The following EYS variants were observed in gnomAD, a reference collection of about 807,000 sequenced individuals.
EYS encodes protein eyes shut homolog.
A neutral mutation model predicts 282.1 loss-of-function variants in EYS; 250 were observed. The ratio of observed to expected loss-of-function variants is 0.89; its 90% CI spans 0.80 to 0.98. The LOEUF (loss-of-function observed/expected upper bound fraction) is 0.98, where lower values mean the gene tolerates loss of function less well. EYS is among the 50% of genes least tolerant of loss of function. EYS has a pLI of 0.00. For synonymous variants in EYS, 1,355 were observed against 1,282.9 expected (o/e 1.06, Z -1.20); for missense variants, 4,016 against 3,709.0 (o/e 1.08, Z -2.15).
chr6:63,930,108 A>G (rs970116924), intron 35 of EYS, among the ~76,000 whole-genome samples: 2 of 152,294 alleles, frequency 1.3e-5, no homozygotes, highest in South Asian at 4.1e-4. Context: ...CTTTACTTCA[A>G]AAGAGTGGCT....
chr6:63,883,901 C>T (rs1171873251), intron 35 of EYS, among the ~76,000 whole-genome samples: 6 of 152,202 alleles, frequency 3.9e-5, no homozygotes, highest in Admixed American at 3.9e-4. Flanking sequence ...AGCCTTTCCT[C>T]TAATCCAGTG....
At chr6:64,826,224 C>A (rs1765051324) in intron 19 of EYS, among the ~76,000 whole-genome samples, 1 of 151,818 alleles carries the variant, frequency 6.6e-6, no homozygotes, top group Non-Finnish European at 1.5e-5. Flanking sequence ...ATGATTTTCA[C>A]AAAATCTAAT....
At chr6:64,087,934 G>A (rs11965478) in intron 31 of EYS, among the ~76,000 whole-genome samples, 15,800 of 152,012 alleles carry the variant, frequency 0.1, 1,499 homozygotes, top group African/African-American at 0.26. Flanking sequence ...AATGACTTCC[G>A]TGTTGCTTTG....
intron 33 of EYS, among the ~76,000 whole-genome samples, chr6:64,001,557 G>T (rs1191025293): frequency 6.6e-6 from 1 of 151,944 alleles, no homozygotes; most frequent in Non-Finnish European, 1.5e-5. Flanking sequence ...CAATTTATTT[G>T]TAGATTTTTA....
chr6:65,219,791 A>G (rs1311711283), intron 12 of EYS, among the ~76,000 whole-genome samples: 1 of 152,152 alleles, frequency 6.6e-6, no homozygotes, highest in Admixed American at 6.6e-5. Flanking sequence ...TGGGAGGCAA[A>G]AGGTACATCT....
chr6:64,020,827 A>T (rs1769153011), intron 33 of EYS, among the ~76,000 whole-genome samples: 1 of 152,176 alleles, frequency 6.6e-6, no homozygotes, highest in South Asian at 2.1e-4. Context: ...TGGGGAGAAT[A>T]TTATAAATGT....
At chr6:65,291,302 C>T (rs1365178883) in intron 12 of EYS, among the ~76,000 whole-genome samples, 1 of 151,402 alleles carries the variant, frequency 6.6e-6, no homozygotes, top group Non-Finnish European at 1.5e-5. Flanking sequence ...TAATAATTGG[C>T]ATAGTGAATG....
intron 24 of EYS, among the ~76,000 whole-genome samples, chr6:64,598,478 C>A (rs1766659160): frequency 6.6e-6 from 1 of 152,092 alleles, no homozygotes; most frequent in African/African-American, 2.4e-5. Flanking sequence ...AACAAACAAA[C>A]AAACAAAAAC....
At chr6:65,677,491 T>C (rs573683381) in intron 1 of EYS, among the ~76,000 whole-genome samples, 5 of 151,822 alleles carry the variant, frequency 3.3e-5, no homozygotes, top group African/African-American at 9.6e-5. Context: ...AAGAAAAAAA[T>C]ACTTGGGAAT....
intron 15 of EYS, among the ~76,000 whole-genome samples, chr6:64,934,988 T>A (rs1324672137): frequency 1.3e-5 from 2 of 151,722 alleles, no homozygotes; most frequent in African/African-American, 4.8e-5. Flanking sequence ...ATAATTTGTA[T>A]CACAATAATA....
chr6:64,863,821 A>T (rs1038179539), intron 19 of EYS, among the ~76,000 whole-genome samples: 5 of 152,136 alleles, frequency 3.3e-5, no homozygotes, highest in Non-Finnish European at 7.4e-5. Context: ...TTCAACCAAA[A>T]ATCTAGGGCT....
At chr6:64,546,402 T>C (rs1764869706) in intron 26 of EYS, among the ~76,000 whole-genome samples, 1 of 152,146 alleles carries the variant, frequency 6.6e-6, no homozygotes, top group Non-Finnish European at 1.5e-5. Context: ...ATGTTAGACC[T>C]AAAACCATAA....
At chr6:64,423,896 C>T (rs1208795463) in intron 28 of EYS, among the ~76,000 whole-genome samples, 1 of 152,096 alleles carries the variant, frequency 6.6e-6, no homozygotes, top group African/African-American at 2.4e-5. Context: ...ACTTAAGTTG[C>T]TTGTATATAA....
At chr6:64,585,258 G>T (rs922319358) in intron 26 of EYS, among the ~76,000 whole-genome samples, 1 of 152,092 alleles carries the variant, frequency 6.6e-6, no homozygotes, top group Admixed American at 6.6e-5. Flanking sequence ...GTAAGTAGGA[G>T]CTAAACAGTG....
intron 31 of EYS, among the ~76,000 whole-genome samples, chr6:64,221,952 A>G (rs2150333632): frequency 6.6e-6 from 1 of 151,992 alleles, no homozygotes; most frequent in Non-Finnish European, 1.5e-5. Flanking sequence ...GACTACTGTA[A>G]TCTTCAGAAA....
intron 1 of EYS, among the ~76,000 whole-genome samples, chr6:65,690,173 A>G (rs1769188931): frequency 6.7e-6 from 1 of 150,136 alleles, no homozygotes; most frequent in South Asian, 2.1e-4. Context: ...CTTAAAACAG[A>G]AACAGTCTTT....
intron 2 of EYS, among the ~76,000 whole-genome samples, chr6:65,532,047 A>T (rs916072666): frequency 1.3e-5 from 2 of 152,124 alleles, no homozygotes; most frequent in Non-Finnish European, 2.9e-5. Flanking sequence ...ACATATGTAA[A>T]TTATTGTTGT....
chr6:64,091,571 GCGTGCTATGACCCAGGCCTCTA>G (rs1772362342), intron 31 of EYS, among the ~76,000 whole-genome samples: 1 of 152,158 alleles, frequency 6.6e-6, no homozygotes, highest in Non-Finnish European at 1.5e-5. Context: ...TTAAGCTGCT[GCGTGCTATGACCCAGGCCTCTA>G]CGTTGATGGT....
Position 63,926,998 on chromosome 6 carries a change from G to A in EYS, c.7055+57385C>T, listed in dbSNP as rs556971210. ...GCTCACTTGATTTCACAACAGCTTT[G>A]GGAGAAAGATTGGGTGGGTGTCGTT... On this transcript the variant is annotated intron_variant, in intron 35 of 42. Coordinates refer to ENST00000503581, the MANE Select transcript of EYS (RefSeq NM_001142800.2). 1.3e-3 allele frequency among the ~76,000 whole-genome samples: 199 copies of A among 152,224 alleles called. 1 individual carries two copies. The highest frequency in any genetic ancestry group is 6.8e-3 in the Middle Eastern group (2 of 294).
Sources: gnomAD v4.1 joint callset for allele counts (sites outside exome capture counted in the v4.1 genomes callset) on GRCh38, gnomAD v4.1.1 for gene constraint, MANE v1.5 for transcripts, NCBI Gene and HGNC (gene_info 2026-07-23, HGNC 2026-07-21) for gene names.